ITPR1: variants seen among roughly 807,000 people sequenced by gnomAD.
ITPR1 encodes the protein inositol 1,4,5-trisphosphate-gated calcium channel ITPR1.
A neutral mutation model predicts 318.4 loss-of-function variants in ITPR1; 96 were observed. The observed-to-expected ratio is 0.30, with a 90% CI of 0.26 to 0.36. The LOEUF is 0.36. Among genes scored for constraint, ITPR1 ranks in the 10% least tolerant of loss-of-function variants. The pLI, the probability that ITPR1 is intolerant of heterozygous loss-of-function variation, is 1.00. For synonymous variants in ITPR1, 1,312 were observed against 1,289.9 expected, an observed-to-expected ratio of 1.02 and a Z score of -0.37; for missense variants, 2,440 against 3,460.2, an observed-to-expected ratio of 0.71 and a Z score of 7.40.
chr3:4,696,678 T>G (rs984499171), intron 33 of ITPR1, among the ~76,000 whole-genome samples: 5 of 151,436 alleles, frequency 3.3e-5, no homozygotes, highest in Non-Finnish European at 5.9e-5. Context: ...CGTGTGTTTT[T>G]TTTTTTTTTT....
intron 18 of ITPR1, among the ~76,000 whole-genome samples, chr3:4,668,550 C>A (rs1233536917): frequency 1.2e-4 from 19 of 152,068 alleles, no homozygotes. Flanking sequence ...TCACTGCAAC[C>A]TCCGCCTCCC....
Position 4,806,216 on chromosome 3 carries a change from G to T in ITPR1, c.7221G>T (p.Leu2407=), listed in dbSNP as rs374773506. The T allele has an allele frequency of 3.9e-5, 63 of 1,613,828 alleles. No homozygotes were observed. Among genetic ancestry groups the T allele is most frequent in the Non-Finnish European group, 5.2e-5 (61 of 1,179,844 alleles). Residue 2407 remains leucine (L), a synonymous_variant, in exon 55 of 62, where the codon CTG becomes CTT. Coordinates refer to ENST00000649015, the MANE Select transcript of ITPR1 (RefSeq NM_001378452.1). ...DVEFLYHLLY[L]VICAMGLFVH... is the part of the protein sequence containing the mutation. ...AGTTCCTCTATCATTTGTTGTATCTGGTGATCTGTGCCATGGGGCTCTTTG... is the reference window on the plus strand; with the variant it reads ...AGTTCCTCTATCATTTGTTGTATCTTGTGATCTGTGCCATGGGGCTCTTTG...
intron 4 of ITPR1, among the ~76,000 whole-genome samples, chr3:4,579,010 A>T (rs1431468342): frequency 3.9e-5 from 6 of 152,080 alleles, no homozygotes; most frequent in African/African-American, 7.2e-5. Flanking sequence ...GATATTGCTG[A>T]TTTTGCTTCC....
intron 4 of ITPR1, among the ~76,000 whole-genome samples, chr3:4,588,630 G>A (rs1314519243): frequency 1.3e-5 from 2 of 152,030 alleles, no homozygotes; most frequent in African/African-American, 2.4e-5. Flanking sequence ...TAAATGTGCT[G>A]ATGACTAACA....
intron 31 of ITPR1, among the ~76,000 whole-genome samples, chr3:4,689,305 G>A (rs895446230): frequency 8.1e-6 from 1 of 123,562 alleles, no homozygotes; most frequent in Non-Finnish European, 2.0e-5. Context: ...GGACATCTTT[G>A]TGCATGCACA....
At chr3:4,691,887 C>T (rs2094484826) in intron 32 of ITPR1, among the ~76,000 whole-genome samples, 1 of 152,152 alleles carries the variant, frequency 6.6e-6, no homozygotes, top group Non-Finnish European at 1.5e-5. Flanking sequence ...CGTGGTGGCT[C>T]ATGCCTGTAA....
chr3:4,790,250 C>T (rs926169100), intron 52 of ITPR1, among the ~76,000 whole-genome samples: 4 of 152,222 alleles, frequency 2.6e-5, no homozygotes, highest in Non-Finnish European at 4.4e-5. Context: ...CTGCCCCCAA[C>T]AGGCTCCATG....
chr3:4,632,151 A>T (rs1253636079), intron 5 of ITPR1, among the ~76,000 whole-genome samples: 1 of 152,168 alleles, frequency 6.6e-6, no homozygotes, highest in Admixed American at 6.5e-5. Flanking sequence ...TGCTGGGAAC[A>T]TGGGAATCTA....
chr3:4,543,848 G>A (rs1440986625), intron 4 of ITPR1, among the ~76,000 whole-genome samples: 1 of 152,192 alleles, frequency 6.6e-6, no homozygotes, highest in Non-Finnish European at 1.5e-5. Context: ...GAAATCCAGA[G>A]ATAGGCAATA....
At position 4,683,822 on chromosome 3, in the gene ITPR1, G is replaced by GAA. The variant is rs776735847; in HGVS notation, c.3498+24_3498+25insAA. The GAA allele has an allele frequency of 8.1e-6, 13 of 1,604,506 alleles. No homozygotes were observed. The African/African-American group carries it at 1.3e-4, about 17-fold the overall frequency. Reference sequence around the variant, plus strand: ...AGGTGAGTGAAACACAAGTTATGCTGCCAAAGTGGATGGATGGGCTTCTCG... The same window carrying GAA: ...AGGTGAGTGAAACACAAGTTATGCTGAACCAAAGTGGATGGATGGGCTTCTCG... On this transcript the variant is annotated intron_variant, in intron 28 of 61. Transcript: ENST00000649015.
At chr3:4,555,197 A>G (rs1250626503) in intron 4 of ITPR1, among the ~76,000 whole-genome samples, 1 of 152,182 alleles carries the variant, frequency 6.6e-6, no homozygotes, top group Non-Finnish European at 1.5e-5. Context: ...AATTAGAGGC[A>G]TTACTGAATC....
chr3:4,708,482 C>T (rs1383272736), intron 37 of ITPR1, among the ~76,000 whole-genome samples: 1 of 152,156 alleles, frequency 6.6e-6, no homozygotes, highest in Non-Finnish European at 1.5e-5. Flanking sequence ...TCTTAAATAA[C>T]AAAGAGAACC....
At chr3:4,647,402 C>T (rs1006410249) in intron 10 of ITPR1, among the ~76,000 whole-genome samples, 1 of 152,142 alleles carries the variant, frequency 6.6e-6, no homozygotes, top group Admixed American at 6.6e-5. Context: ...TTCTTCATTT[C>T]TCTGAATTAA....
At chr3:4,582,205 A>G (rs2089423227) in intron 4 of ITPR1, among the ~76,000 whole-genome samples, 1 of 152,102 alleles carries the variant, frequency 6.6e-6, no homozygotes, top group African/African-American at 2.4e-5. Context: ...GATACCGCTT[A>G]TTTTTATCAA....
At chr3:4,502,817 C>A (rs543684618) in intron 2 of ITPR1, among the ~76,000 whole-genome samples, 14 of 152,166 alleles carry the variant, frequency 9.2e-5, no homozygotes, top group African/African-American at 3.4e-4. Context: ...CATCGTGGCT[C>A]ACGCCTGTAA....
intron 44 of ITPR1, among the ~76,000 whole-genome samples, chr3:4,765,137 G>C (rs1447806407): frequency 6.6e-6 from 1 of 152,198 alleles, no homozygotes; most frequent in Non-Finnish European, 1.5e-5. Flanking sequence ...CTTGGTTCCA[G>C]AGTGGGAGTC....
chr3:4,541,179 A>T (rs1267714459), intron 4 of ITPR1, among the ~76,000 whole-genome samples: 6 of 152,172 alleles, frequency 3.9e-5, no homozygotes, highest in Admixed American at 6.5e-5. Context: ...TATTGTCATT[A>T]AAAAAATTAA....
chr3:4,583,477 A>C (rs1308745140), intron 4 of ITPR1, among the ~76,000 whole-genome samples: 1 of 152,128 alleles, frequency 6.6e-6, no homozygotes, highest in Non-Finnish European at 1.5e-5. Context: ...AGTGCGTTAC[A>C]GGCCTCTCCT....
chr3:4,814,292 T>C, intron 57 of ITPR1, 131 bp from the exon 58 acceptor site: 1 of 1,014,244 alleles, frequency 9.9e-7, no homozygotes, highest in Non-Finnish European at 1.5e-6. Flanking sequence ...AAGAAAATTC[T>C]TGGCTCTTGA....
Sources: gnomAD v4.1 joint callset for allele counts (sites outside exome capture counted in the v4.1 genomes callset) on GRCh38, gnomAD v4.1.1 for gene constraint, MANE v1.5 for transcripts, NCBI Gene and HGNC (gene_info 2026-07-23, HGNC 2026-07-21) for gene names.